The following ROBO2 variants were observed in gnomAD, a reference collection of about 807,000 sequenced individuals.
ROBO2 encodes roundabout homolog 2.
ROBO2 carries 53 observed loss-of-function variants against 160.8 expected under a neutral mutation model. The ratio of observed to expected loss-of-function variants is 0.33; its 90% confidence interval spans 0.26 to 0.41. The LOEUF (loss-of-function observed/expected upper bound fraction) is 0.41, where lower values mean the gene tolerates loss of function less well. Among genes scored for constraint, ROBO2 ranks in the 10% least tolerant of loss-of-function variants. ROBO2 has a pLI of 1.00. For missense variants in ROBO2, 1,577 were observed against 1,722.4 expected (o/e 0.92, Z 1.49); for synonymous variants, 664 against 611.7 (o/e 1.09, Z -1.26).
chr3:76,321,499 A>AC (rs202210352), intron 2 of ROBO2, among the ~76,000 whole-genome samples: 14,052 of 64,984 alleles, frequency 0.22, 1,308 homozygotes, highest in East Asian at 0.59. Flanking sequence ...TCCATCTCAA[A>AC]AAACAACAAC....
At chr3:77,504,988 C>T (rs1444070532) in intron 5 of ROBO2, among the ~76,000 whole-genome samples, 1 of 152,130 alleles carries the variant, frequency 6.6e-6, no homozygotes, top group East Asian at 1.9e-4. Flanking sequence ...CTTTGGAAAG[C>T]GTGGGCCAAC....
At chr3:77,204,130 G>C (rs372735134) in intron 2 of ROBO2, among the ~76,000 whole-genome samples, 1 of 152,042 alleles carries the variant, frequency 6.6e-6, no homozygotes, top group Non-Finnish European at 1.5e-5. Flanking sequence ...GGTCTATTTT[G>C]AGTTAGGGCT....
chr3:77,260,929 G>A (rs1189159576), intron 2 of ROBO2, among the ~76,000 whole-genome samples: 1 of 152,146 alleles, frequency 6.6e-6, no homozygotes, highest in African/African-American at 2.4e-5. Flanking sequence ...CAAGGAACAT[G>A]AAGGAAACTG....
chr3:77,481,078 C>A (rs771886885), intron 3 of ROBO2, 21 bp from the exon 4 acceptor site: 1 of 1,601,910 alleles, frequency 6.2e-7, no homozygotes, highest in Non-Finnish European at 8.5e-7. Flanking sequence ...CTTCTCTTTT[C>A]TTTTTGTTTG....
Position 76,043,462 on chromosome 3 carries a change from C to T in ROBO2, c.109+105860C>T, listed in dbSNP as rs148080827. Among the ~76,000 whole-genome samples, 25 of 151,638 alleles carry T rather than the reference C, an allele frequency of 1.6e-4. 2 individuals are homozygous for T. The highest frequency in any genetic ancestry group is 5.8e-4 in the African/African-American group (24 of 41,154). On this transcript the variant is annotated intron_variant, in intron 2 of 26. Transcript: ENST00000487694. ...TTCTGACCTATGAGTAACAAGATTACTGAATTTCCCTTAGTCCTGCTGAGG... is the reference window on the plus strand; with the variant it reads ...TTCTGACCTATGAGTAACAAGATTATTGAATTTCCCTTAGTCCTGCTGAGG...
Position 77,136,479 on chromosome 3 carries a change from C to CTT in ROBO2, c.388+38165_388+38166dup, listed in dbSNP as rs59688881. Among the ~76,000 whole-genome samples, 39 of 67,916 alleles carry CTT rather than the reference C, an allele frequency of 5.7e-4. 2 individuals carry two copies. Among genetic ancestry groups the CTT allele is most frequent in the South Asian group, 1.5e-3 (2 of 1,326 alleles). The allele number at this position is 67,916 out of a possible 152,430, so 44.6% of individuals were successfully genotyped here. A position where few individuals can be genotyped will look rare whatever the true frequency, so the allele number is the denominator to read the frequency against. On this transcript the variant is annotated intron_variant, in intron 2 of 25. Transcript: ENST00000461745. ...TGAATAAGAAAGGGCATAAAATATGCTTTTTTTTTTTTTTTTTTTTTTTTT... is the reference window on the plus strand; with the variant it reads ...TGAATAAGAAAGGGCATAAAATATGCTTTTTTTTTTTTTTTTTTTTTTTTTTT...
intron 2 of ROBO2, among the ~76,000 whole-genome samples, chr3:76,126,912 T>C (rs1042303953): frequency 1.3e-5 from 2 of 152,160 alleles, no homozygotes; most frequent in African/African-American, 4.8e-5. Context: ...ACTACAAGAT[T>C]TGTTTAAGAC....
At chr3:76,386,357 CCCTT>C (rs74266990) in intron 2 of ROBO2, among the ~76,000 whole-genome samples, 2 of 126,078 alleles carry the variant, frequency 1.6e-5, no homozygotes, top group Non-Finnish European at 3.2e-5. Context: ...CTCCCTCCCT[CCCTT>C]CCTTCCTCCC....
intron 2 of ROBO2, among the ~76,000 whole-genome samples, chr3:76,961,863 G>A (rs891772917): frequency 1.3e-5 from 2 of 152,112 alleles, no homozygotes; most frequent in African/African-American, 4.8e-5. Context: ...GTATAGATGT[G>A]ATAATTCAGC....
intron 2 of ROBO2, among the ~76,000 whole-genome samples, chr3:76,656,874 A>G (rs1229214416): frequency 6.6e-6 from 1 of 152,144 alleles, no homozygotes; most frequent in African/African-American, 2.4e-5. Flanking sequence ...ATGCAAAATT[A>G]AAAGTTAGCA....
intron 2 of ROBO2, among the ~76,000 whole-genome samples, chr3:76,737,380 T>G (rs1221045280): frequency 6.6e-6 from 1 of 152,128 alleles, no homozygotes; most frequent in Non-Finnish European, 1.5e-5. Flanking sequence ...CTCAAAGGAA[T>G]TTTTTCCTCA....
chr3:76,602,360 C>T (rs536986915), intron 2 of ROBO2, among the ~76,000 whole-genome samples: 2 of 152,260 alleles, frequency 1.3e-5, no homozygotes, highest in Admixed American at 6.5e-5. Context: ...TCAGCAAGAC[C>T]CCACTCTACT....
chr3:77,570,538 A>T (rs1168888485), intron 13 of ROBO2, among the ~76,000 whole-genome samples: 2 of 151,876 alleles, frequency 1.3e-5, no homozygotes, highest in Non-Finnish European at 2.9e-5. Context: ...CATACATTTT[A>T]CACTTTTTTT....
chr3:77,282,994 G>T (rs1346940625), intron 2 of ROBO2, among the ~76,000 whole-genome samples: 1 of 150,614 alleles, frequency 6.6e-6, no homozygotes, highest in Non-Finnish European at 1.5e-5. Context: ...ATATAAACCT[G>T]AGAATTTAAA....
chr3:77,114,499 G>A (rs1163923782), intron 2 of ROBO2, among the ~76,000 whole-genome samples: 3 of 152,034 alleles, frequency 2.0e-5, no homozygotes, highest in Non-Finnish European at 2.9e-5. Flanking sequence ...GGTAAAATGA[G>A]GCATTTCCTT....
chr3:76,472,096 T>G (rs553464414), intron 2 of ROBO2, among the ~76,000 whole-genome samples: 1 of 116,908 alleles, frequency 8.6e-6, no homozygotes, highest in South Asian at 2.8e-4. Flanking sequence ...TGTGTGTGTG[T>G]GTGTGCGCGT....
chr3:76,082,817 C>A (rs937729216), intron 2 of ROBO2, among the ~76,000 whole-genome samples: 1 of 152,068 alleles, frequency 6.6e-6, no homozygotes, highest in African/African-American at 2.4e-5. Context: ...GTGACCAGAA[C>A]ATTGCCTGGG....
intron 2 of ROBO2, among the ~76,000 whole-genome samples, chr3:76,752,356 T>C (rs1192546319): frequency 6.6e-6 from 1 of 150,968 alleles, no homozygotes; most frequent in African/African-American, 2.4e-5. Context: ...AGTTAGTGGG[T>C]GCAGCACACC....
intron 2 of ROBO2, among the ~76,000 whole-genome samples, chr3:77,360,548 C>A (rs2153466541): frequency 6.6e-6 from 1 of 151,758 alleles, no homozygotes; most frequent in South Asian, 2.1e-4. Flanking sequence ...CAATAAATTT[C>A]TTTGTGTTGG....
Sources: allele counts gnomAD v4.1 joint callset (sites outside exome capture counted in the v4.1 genomes callset), GRCh38; gene constraint gnomAD v4.1.1; transcripts MANE v1.5; gene names NCBI Gene and HGNC (gene_info 2026-07-23, HGNC 2026-07-21).